The following COL22A1 variants were observed in gnomAD, a reference collection of about 807,000 sequenced individuals.
COL22A1 encodes collagen type XXII alpha 1 chain, also known as collagen alpha-1(XXII) chain.
In COL22A1, 221 loss-of-function variants were observed where a neutral mutation model predicts 248.9. The observed-to-expected ratio is 0.89, with a 90% CI of 0.80 to 0.99. The LOEUF (loss-of-function observed/expected upper bound fraction) is 0.99, where lower values mean the gene tolerates loss of function less well. Ranked by LOEUF, COL22A1 falls within the 50% of genes least tolerant of loss-of-function variation. COL22A1 has a pLI of 0.00. For missense variants in COL22A1, 2,240 were observed against 2,179.0 expected, an observed-to-expected ratio of 1.03 and a Z score of -0.56; for synonymous variants, 891 against 793.4, an observed-to-expected ratio of 1.12 and a Z score of -2.07.
intron 2 of COL22A1, among the ~76,000 whole-genome samples, chr8:138,879,857 C>CAAAACAAAACAAAACAA (rs1355737552): frequency 6.7e-6 from 1 of 149,008 alleles, no homozygotes; most frequent in Non-Finnish European, 1.5e-5. Flanking sequence ...CAAAACAAAA[C>CAAAACAAAACAAAACAA]AAAAAAACAC....
At chr8:138,655,840 C>A (rs1327688369) in intron 45 of COL22A1, 57 bp downstream of exon 45, 9 of 1,407,512 alleles carry the variant, frequency 6.4e-6, no homozygotes, top group Non-Finnish European at 9.0e-6. Context: ...TTATCAAGAT[C>A]TCCAATCCCG....
At chr8:138,670,898 CT>C (rs1281278078) in intron 41 of COL22A1, among the ~76,000 whole-genome samples, 8 of 137,880 alleles carry the variant, frequency 5.8e-5, no homozygotes, top group African/African-American at 2.2e-4. Context: ...GAGGTTAAGG[CT>C]GCAGTGAGCC....
intron 27 of COL22A1, 148 bp downstream of exon 27, chr8:138,720,591 C>G: frequency 1.4e-6 from 1 of 713,478 alleles, no homozygotes; most frequent in Non-Finnish European, 2.5e-6. Flanking sequence ...AGCCCTTAAC[C>G]CTGCCCCTTT....
intron 5 of COL22A1, 151 bp downstream of exon 5, chr8:138,832,888 G>T (rs1820156635): frequency 3.4e-6 from 2 of 594,418 alleles, no homozygotes; most frequent in African/African-American, 1.9e-5. Context: ...CTGGTCCAGT[G>T]GTTCAGCTGC....
chr8:138,641,096 T>A (rs993908672), intron 47 of COL22A1, among the ~76,000 whole-genome samples: 2 of 152,230 alleles, frequency 1.3e-5, no homozygotes, highest in Non-Finnish European at 2.9e-5. Flanking sequence ...GAAAGGAAAC[T>A]GTTAAGGTGA....
In COL22A1 at chr8:138,739,473, T is replaced by C. The variant is rs554257110; in HGVS notation, c.2086-1896A>G. ...ATAGCACTCCCTCTGTCCCACTGTG[T>C]CTTCTCACGCTGCCGTAATTTCCTT... On this transcript the variant is annotated intron_variant, in intron 22 of 64. Coordinates refer to ENST00000303045, the MANE Select transcript of COL22A1 (RefSeq NM_152888.3). Among the ~76,000 whole-genome samples the C allele has an allele frequency of 9.2e-5, 14 of 152,330 alleles. No homozygotes were observed. The South Asian group carries it at 2.1e-3, about 23-fold the overall frequency.
In COL22A1 at chr8:138,610,946, G is replaced by C. The variant is rs535394260; in HGVS notation, c.3978+2921C>G. Among the ~76,000 whole-genome samples the C allele has an allele frequency of 2.0e-5, 3 of 152,246 alleles. No individual in the cohort carries two copies. In the South Asian group the frequency reaches 6.2e-4, roughly 32 times the overall value. On this transcript the variant is annotated intron_variant, in intron 56 of 64. Coordinates refer to ENST00000303045, the MANE Select transcript of COL22A1 (RefSeq NM_152888.3). Reference sequence around the variant, plus strand: ...CTGGGCATGGTGGTATGCACTTGTGGTCCCAGCTACTTGGGAAGCTGAGAC... The same window carrying C: ...CTGGGCATGGTGGTATGCACTTGTGCTCCCAGCTACTTGGGAAGCTGAGAC...
rs143614201 is a variant in COL22A1 at position 138,813,006 on chromosome 8, C to T, written c.1259G>A (p.Arg420Gln). ...TCTCGAGTCACAATAGATCACAATC[C>T]GCTGTAGGTCAAACTGGAAAGGAAA... ...DSVPIDFDLQ[R>Q]IVIYCDSRHA... The change falls in exon 8 of 65, where the codon CGG (arginine) becomes CAG (glutamine). Residue 420 changes from arginine (R) to glutamine (Q), a missense_variant. By Grantham distance (43) the Arg-to-Gln change is conservative. Coordinates refer to ENST00000303045, the MANE Select transcript of COL22A1 (RefSeq NM_152888.3). The T allele has an allele frequency of 4.7e-5, 76 of 1,613,722 alleles. No homozygotes were observed. The Admixed American group carries it at 5.7e-4, about 12-fold the overall frequency.
intron 18 of COL22A1, among the ~76,000 whole-genome samples, chr8:138,757,306 A>ATG (rs34499120): frequency 0.9 from 136,745 of 151,680 alleles, 61,758 homozygotes; most frequent in East Asian, 0.99. Context: ...GAGCTATACT[A>ATG]TGTGTGTGTG....
intron 3 of COL22A1, among the ~76,000 whole-genome samples, chr8:138,851,304 G>A (rs529447159): frequency 6.6e-6 from 1 of 152,318 alleles, no homozygotes; most frequent in East Asian, 1.9e-4. Flanking sequence ...CGCTTATCAT[G>A]AGGGTGAGGA....
At position 138,718,396 on chromosome 8, in the gene COL22A1, G is replaced by T. The variant is rs1332854186; in HGVS notation, c.2356-1527C>A. Among the ~76,000 whole-genome samples the T allele has an allele frequency of 2.0e-5, 3 of 152,140 alleles. No individual in the cohort carries two copies. In the East Asian group the frequency reaches 5.8e-4, roughly 29 times the overall value. On this transcript the variant is annotated intron_variant, in intron 27 of 64. Coordinates refer to ENST00000303045, the MANE Select transcript of COL22A1 (RefSeq NM_152888.3). ...CTTACATGCTGAGAAAGGATAAGGGGCTGAGTTTGGTTTAAAAAAAAAATT... is the reference window on the plus strand; with the variant it reads ...CTTACATGCTGAGAAAGGATAAGGGTCTGAGTTTGGTTTAAAAAAAAAATT...
At chr8:138,724,497 G>C (rs571872361) in intron 25 of COL22A1, 118 bp downstream of exon 25, 2 of 958,820 alleles carry the variant, frequency 2.1e-6, no homozygotes, top group African/African-American at 3.2e-5. Context: ...GGCCTTGCTG[G>C]CCAAGGAGTC....
In COL22A1 at chr8:138,594,017, C is replaced by G; in HGVS notation, c.4615G>C (p.Gly1539Arg). The change falls in exon 63 of 65, where the codon GGT becomes CGT. Residue 1539 changes from glycine to arginine, a missense_variant and splice_region_variant. By Grantham distance (125) the Gly-to-Arg change is moderately radical. Coordinates refer to ENST00000303045, the MANE Select transcript of COL22A1 (RefSeq NM_152888.3). Reference protein sequence around the residue: ...EGPSGPIGPKGERGAKGDPGA... With the variant: ...EGPSGPIGPKRERGAKGDPGA... Reference sequence around the variant, plus strand: ...ATATCTCCTCCAGGTCTTCACTCACCTTTGGGACCTATGGGTCCAGAGGGT... The same window carrying G: ...ATATCTCCTCCAGGTCTTCACTCACGTTTGGGACCTATGGGTCCAGAGGGT... 2 of 1,562,404 alleles carry G rather than the reference C, an allele frequency of 1.3e-6. No individual in the cohort carries two copies. The highest frequency in any genetic ancestry group is 8.6e-7 in the Non-Finnish European group (1 of 1,162,160).
intron 22 of COL22A1, among the ~76,000 whole-genome samples, chr8:138,743,681 G>A: frequency 6.6e-6 from 1 of 152,238 alleles, no homozygotes; most frequent in African/African-American, 2.4e-5. Flanking sequence ...CTAACGATAG[G>A]CCTGTTTCTT....
chr8:138,867,685 C>T (rs1823001274), intron 3 of COL22A1, among the ~76,000 whole-genome samples: 1 of 152,198 alleles, frequency 6.6e-6, no homozygotes, highest in Non-Finnish European at 1.5e-5. Context: ...ACTGACTGTG[C>T]CAGGCTGCAG....
chr8:138,652,669 T>C (rs1474956339), intron 45 of COL22A1, among the ~76,000 whole-genome samples: 1 of 151,848 alleles, frequency 6.6e-6, no homozygotes, highest in Non-Finnish European at 1.5e-5. Context: ...ATGTAATCTA[T>C]TAATGTTCTT....
intron 63 of COL22A1, 45 bp downstream of exon 63, chr8:138,593,972 C>T: frequency 1.4e-6 from 2 of 1,418,826 alleles, no homozygotes; most frequent in Middle Eastern, 1.9e-4. Flanking sequence ...CCTTCTCCGC[C>T]CTCCAGGAGT....
At chr8:138,594,545 A>T (rs577898000) in intron 62 of COL22A1, among the ~76,000 whole-genome samples, 1 of 152,286 alleles carries the variant, frequency 6.6e-6, no homozygotes, top group South Asian at 2.1e-4. Context: ...GGCCTTGAGC[A>T]AGCTACTTGA....
Position 138,597,004 on chromosome 8 carries a change from C to CTG in COL22A1, c.4366-35_4366-34insCA, listed in dbSNP as rs764637571. 3.8e-6 allele frequency: 6 copies of CTG among 1,588,296 alleles called. No homozygotes were observed. The Admixed American group carries it at 1.0e-4, about 27-fold the overall frequency. On this transcript the variant is annotated intron_variant, in intron 61 of 64. Coordinates refer to ENST00000303045, the MANE Select transcript of COL22A1 (RefSeq NM_152888.3). ...GAGGGAAGGTGGAGTCATTCATCTT[C>CTG]CCAGTAACTTCTGCCACCTAAGAAC... is the stretch of plus-strand genomic sequence containing the variant.
Sources: allele counts gnomAD v4.1 joint callset (sites outside exome capture counted in the v4.1 genomes callset), GRCh38; gene constraint gnomAD v4.1.1; transcripts MANE v1.5; gene names NCBI Gene and HGNC (gene_info 2026-07-23, HGNC 2026-07-21).